Variants in LAMA2 observed in about 807,000 individuals in gnomAD.
The protein encoded by LAMA2 is laminin subunit alpha 2.
LAMA2 carries 269 observed loss-of-function variants against 364.8 expected under a neutral mutation model. The observed-to-expected ratio is 0.74, with a 90% CI of 0.67 to 0.82. LAMA2 has a LOEUF of 0.82. LAMA2 is among the 40% of genes least tolerant of loss of function. The pLI is 0.00. For missense variants in LAMA2, 3,807 were observed against 3,873.2 expected (o/e 0.98, Z 0.45); for synonymous variants, 1,379 against 1,370.6 (o/e 1.01, Z -0.14).
At position 129,473,203 on chromosome 6, in the gene LAMA2, C is replaced by A; in HGVS notation, c.7301-11C>A. The A allele has an allele frequency of 6.4e-7, 1 of 1,574,206 alleles. No individual in the cohort carries two copies. Among genetic ancestry groups the A allele is most frequent in the Non-Finnish European group, 8.7e-7 (1 of 1,145,174 alleles). ...TCAAATAAAATGTTAAACTTTCTTTCTCCTTTACAGCCAATATATCAATTG... is the reference window on the plus strand; with the variant it reads ...TCAAATAAAATGTTAAACTTTCTTTATCCTTTACAGCCAATATATCAATTG... On this transcript the variant is annotated splice_polypyrimidine_tract_variant and intron_variant, in intron 51 of 64. Transcript: ENST00000421865.
chr6:129,336,271 C>A (rs1055523441), intron 29 of LAMA2, among the ~76,000 whole-genome samples: 14 of 151,868 alleles, frequency 9.2e-5, no homozygotes. Flanking sequence ...TCAACAAAGG[C>A]CCTGTGTCTA....
At chr6:129,204,733 C>A (rs1025008012) in intron 12 of LAMA2, among the ~76,000 whole-genome samples, 2 of 152,048 alleles carry the variant, frequency 1.3e-5, no homozygotes, top group African/African-American at 4.8e-5. Flanking sequence ...CAATACAAAT[C>A]ATAAAACATC....
chr6:129,210,003 C>CAA lies in LAMA2; in HGVS notation c.1782+17171_1782+17172dup, dbSNP rs374127279. On this transcript the variant is annotated intron_variant, in intron 12 of 64. Transcript: ENST00000421865. Reference sequence around the variant, plus strand: ...CGGGCGACAGAGCGAGACTCCATCTCAAAAAAAAAAAAAAAAAAAAAATTT... The same window carrying CAA: ...CGGGCGACAGAGCGAGACTCCATCTCAAAAAAAAAAAAAAAAAAAAAAAATTT... Among the ~76,000 whole-genome samples, 133 of 67,556 alleles carry CAA rather than the reference C, an allele frequency of 2.0e-3. 1 individual carries two copies. The highest frequency in any genetic ancestry group is 0.018 in the Middle Eastern group (2 of 114). 44.3% of individuals were successfully genotyped at this position (67,556 alleles called of 152,430 possible). A position where few individuals can be genotyped will look rare whatever the true frequency, so the allele number is the denominator to read the frequency against.
intron 30 of LAMA2, 76 bp downstream of exon 30, chr6:129,342,543 G>T: frequency 6.9e-7 from 1 of 1,457,926 alleles, no homozygotes; most frequent in Non-Finnish European, 9.3e-7. Context: ...CTATGATTTG[G>T]CTATTTTTTC....
chr6:129,370,719 C>G (rs751288606), intron 34 of LAMA2, among the ~76,000 whole-genome samples: 2 of 152,124 alleles, frequency 1.3e-5, no homozygotes, highest in Non-Finnish European at 2.9e-5. Context: ...TGGGGATTAT[C>G]GAGTCCACTT....
intron 40 of LAMA2, among the ~76,000 whole-genome samples, chr6:129,415,562 G>A (rs2114719087): frequency 6.6e-6 from 1 of 152,168 alleles, no homozygotes; most frequent in African/African-American, 2.4e-5. Flanking sequence ...AATAACCATG[G>A]TGGCTGGGTG....
chr6:128,978,938 T>C (rs1782695097), intron 1 of LAMA2, among the ~76,000 whole-genome samples: 1 of 152,060 alleles, frequency 6.6e-6, no homozygotes, highest in Non-Finnish European at 1.5e-5. Context: ...TTCAGAGATA[T>C]AAAAATGTCA....
At chr6:128,930,211 C>T (rs769792357) in intron 1 of LAMA2, among the ~76,000 whole-genome samples, 13 of 152,342 alleles carry the variant, frequency 8.5e-5, no homozygotes, top group Non-Finnish European at 1.3e-4. Context: ...TGCTGGTTGC[C>T]GTGGCCTCTA....
intron 12 of LAMA2, among the ~76,000 whole-genome samples, chr6:129,223,869 C>T (rs1033861675): frequency 2.0e-5 from 3 of 151,824 alleles, no homozygotes; most frequent in African/African-American, 4.8e-5. Flanking sequence ...GTTTTTTTTC[C>T]AATTCTGTGA....
intron 47 of LAMA2, among the ~76,000 whole-genome samples, chr6:129,454,800 G>A (rs550283514): frequency 2.6e-5 from 4 of 152,190 alleles, no homozygotes; most frequent in East Asian, 3.9e-4. Flanking sequence ...GAGCTTTAAT[G>A]CAATTATCAA....
intron 29 of LAMA2, among the ~76,000 whole-genome samples, chr6:129,334,077 G>A (rs907442828): frequency 6.6e-6 from 1 of 152,144 alleles, no homozygotes; most frequent in Admixed American, 6.5e-5. Context: ...GTTCATCTTT[G>A]AAATGGCCTC....
At chr6:129,322,767 A>G (rs1244192259) in intron 28 of LAMA2, among the ~76,000 whole-genome samples, 1 of 152,182 alleles carries the variant, frequency 6.6e-6, no homozygotes, top group Non-Finnish European at 1.5e-5. Flanking sequence ...AATTATTTTC[A>G]TGCAACCAAC....
intron 10 of LAMA2, among the ~76,000 whole-genome samples, chr6:129,187,741 C>G (rs989519662): frequency 1.3e-5 from 2 of 151,776 alleles, no homozygotes; most frequent in East Asian, 1.9e-4. Flanking sequence ...ACTGGCTGAT[C>G]ATTCCTAATC....
In LAMA2 at chr6:129,098,167, C is replaced by T. The variant is rs1583037415; in HGVS notation, c.397-6C>T. On this transcript the variant is annotated splice_polypyrimidine_tract_variant and splice_region_variant and intron_variant, in intron 3 of 64. Coordinates refer to ENST00000421865, the MANE Select transcript of LAMA2 (RefSeq NM_000426.4). ...CAATGTTATTGTTGTTGTTATACTTCCCTAGGTGTTCCAGATCGCGTATGT... is the reference window on the plus strand; with the variant it reads ...CAATGTTATTGTTGTTGTTATACTTTCCTAGGTGTTCCAGATCGCGTATGT... The T allele has an allele frequency of 3.1e-6, 5 of 1,613,936 alleles. No homozygotes were observed. The highest frequency in any genetic ancestry group is 3.3e-4 in the Middle Eastern group (2 of 6,062).
chr6:129,515,354 G>C (rs1786964150), intron 64 of LAMA2, among the ~76,000 whole-genome samples: 1 of 152,190 alleles, frequency 6.6e-6, no homozygotes, highest in Non-Finnish European at 1.5e-5. Flanking sequence ...AATGCAATGG[G>C]GGCCCAACGA....
At chr6:129,335,894 G>A (rs1178705078) in intron 29 of LAMA2, among the ~76,000 whole-genome samples, 1 of 152,188 alleles carries the variant, frequency 6.6e-6, no homozygotes, top group Non-Finnish European at 1.5e-5. Context: ...GATTAAATGA[G>A]TTTGATTTTA....
chr6:128,921,697 G>GTTTTTTTTTTTTTTTTTTTTTT (rs547882651), intron 1 of LAMA2, among the ~76,000 whole-genome samples: 11 of 118,048 alleles, frequency 9.3e-5, no homozygotes, highest in African/African-American at 4.1e-4. Flanking sequence ...ATGAATGTCT[G>GTTTTTTTTTTTTTTTTTTTTTT]TTTTTTTTTT....
At chr6:129,247,693 C>G (rs1034952965) in intron 12 of LAMA2, among the ~76,000 whole-genome samples, 32 of 152,072 alleles carry the variant, frequency 2.1e-4, no homozygotes, top group Admixed American at 1.8e-3. Context: ...AATTTTCAGG[C>G]AATTCAAAAT....
intron 3 of LAMA2, 38 bp from the exon 4 acceptor site, chr6:129,098,135 G>C (rs1181710340): frequency 6.2e-7 from 1 of 1,605,038 alleles, no homozygotes; most frequent in South Asian, 1.1e-5. Flanking sequence ...GAGAATATTT[G>C]GGAATTCAAT....
Sources: allele counts gnomAD v4.1 joint callset (sites outside exome capture counted in the v4.1 genomes callset), GRCh38; gene constraint gnomAD v4.1.1; transcripts MANE v1.5; gene names NCBI Gene and HGNC (gene_info 2026-07-23, HGNC 2026-07-21).